The following NARS2 variants were observed in gnomAD, a reference collection of about 807,000 sequenced individuals.
NARS2 encodes the protein asparaginyl-tRNA synthetase 2, mitochondrial, also known as asparaginyl-tRNA synthetase.
NARS2 carries 60 observed loss-of-function variants against 62.9 expected under a neutral mutation model. The ratio of observed to expected loss-of-function variants is 0.95; its 90% CI spans 0.77 to 1.18. The LOEUF (loss-of-function observed/expected upper bound fraction) is 1.18. Among genes scored for constraint, NARS2 ranks in the 50% most tolerant of loss-of-function variants. NARS2 has a pLI of 0.00. For synonymous variants in NARS2, 196 were observed against 200.0 expected (o/e 0.98, Z 0.17); for missense variants, 619 against 576.4 (o/e 1.07, Z -0.76).
At chr11:78,548,721 C>T (rs1436181474) in intron 5 of NARS2, among the ~76,000 whole-genome samples, 1 of 152,044 alleles carries the variant, frequency 6.6e-6, no homozygotes, top group African/African-American at 2.4e-5. Context: ...TGTTTTTCCT[C>T]CTCCCTTCTG....
chr11:78,460,078 C>T (rs776426633), intron 11 of NARS2, among the ~76,000 whole-genome samples: 2 of 152,092 alleles, frequency 1.3e-5, no homozygotes, highest in Non-Finnish European at 2.9e-5. Context: ...AAGAACTGCA[C>T]GTCTGAAGAC....
intron 5 of NARS2, among the ~76,000 whole-genome samples, chr11:78,548,842 T>C (rs577000688): frequency 6.6e-6 from 1 of 152,304 alleles, no homozygotes; most frequent in East Asian, 1.9e-4. Flanking sequence ...AGAAATCGTC[T>C]TAAGGGTATA....
chr11:78,501,443 T>C (rs756162851), intron 6 of NARS2, among the ~76,000 whole-genome samples: 5 of 152,216 alleles, frequency 3.3e-5, no homozygotes, highest in Admixed American at 6.5e-5. Flanking sequence ...GCCCCAGAGA[T>C]ATCCAGACCA....
chr11:78,548,371 T>C (rs939907480), intron 5 of NARS2, among the ~76,000 whole-genome samples: 2 of 150,478 alleles, frequency 1.3e-5, no homozygotes, highest in Non-Finnish European at 2.9e-5. Context: ...TAAAAGAAAA[T>C]AGGTAAGAGT....
intron 11 of NARS2, among the ~76,000 whole-genome samples, chr11:78,458,895 T>G (rs1208130927): frequency 6.6e-6 from 1 of 151,968 alleles, no homozygotes; most frequent in Non-Finnish European, 1.5e-5. Flanking sequence ...TCTAAGGAGA[T>G]CTGATGGTGG....
intron 10 of NARS2, 63 bp downstream of exon 10, chr11:78,469,184 T>TA (rs1858760157): frequency 9.1e-6 from 10 of 1,099,902 alleles, no homozygotes; most frequent in Non-Finnish European, 1.4e-5. Flanking sequence ...CTTAACACAG[T>TA]AAGCTAAAGA....
chr11:78,499,058 A>C (rs2135348915), intron 6 of NARS2, among the ~76,000 whole-genome samples: 1 of 151,606 alleles, frequency 6.6e-6, no homozygotes, highest in South Asian at 2.1e-4. Flanking sequence ...CTGGGACTAC[A>C]GGCGCCCGCC....
chr11:78,499,117 G>A (rs1057379245), intron 6 of NARS2, among the ~76,000 whole-genome samples: 10 of 151,306 alleles, frequency 6.6e-5, no homozygotes, highest in African/African-American at 1.9e-4. Context: ...GGGGTTTCAC[G>A]GTGTTAGCCA....
chr11:78,451,909 G>C (rs1296343622), intron 11 of NARS2, among the ~76,000 whole-genome samples: 1 of 151,776 alleles, frequency 6.6e-6, no homozygotes, highest in Non-Finnish European at 1.5e-5. Context: ...TGCCCATTTG[G>C]CTGTTGCATG....
chr11:78,569,446 C>T (rs914738115), intron 2 of NARS2, among the ~76,000 whole-genome samples: 4 of 152,178 alleles, frequency 2.6e-5, no homozygotes, highest in East Asian at 1.9e-4. Context: ...TGAGCCACCA[C>T]GCCCAGCCCA....
At chr11:78,521,145 G>C (rs1183712137) in intron 6 of NARS2, among the ~76,000 whole-genome samples, 3 of 148,802 alleles carry the variant, frequency 2.0e-5, no homozygotes, top group Non-Finnish European at 4.5e-5. Flanking sequence ...ATATCAATTT[G>C]TTTTCTTATT....
intron 6 of NARS2, among the ~76,000 whole-genome samples, chr11:78,520,229 T>G (rs1271827961): frequency 6.6e-6 from 1 of 152,174 alleles, no homozygotes; most frequent in Non-Finnish European, 1.5e-5. Flanking sequence ...AAGGTTGTGC[T>G]TCCTCTGAAG....
intron 7 of NARS2, 27 bp downstream of exon 7, chr11:78,493,033 TACC>T (rs778855452): frequency 1.3e-4 from 10 of 74,892 alleles, no homozygotes; most frequent in Non-Finnish European, 2.4e-4. Flanking sequence ...ATGTCACAGA[TACC>T]TGGTATTTTA....
intron 4 of NARS2, among the ~76,000 whole-genome samples, chr11:78,561,537 T>G (rs1856555078): frequency 6.6e-6 from 1 of 152,206 alleles, no homozygotes; most frequent in African/African-American, 2.4e-5. Flanking sequence ...TAATACACAT[T>G]CTAAAACCAG....
chr11:78,540,164 C>A (rs1855556300), intron 5 of NARS2, among the ~76,000 whole-genome samples: 1 of 152,056 alleles, frequency 6.6e-6, no homozygotes, highest in African/African-American at 2.4e-5. Flanking sequence ...AATAGCACAG[C>A]CAAGAAAGGG....
intron 9 of NARS2, 99 bp downstream of exon 9, chr11:78,478,339 T>C (rs1452317587): frequency 2.3e-6 from 1 of 427,456 alleles, no homozygotes; most frequent in Non-Finnish European, 3.9e-6. Flanking sequence ...CCTATATATA[T>C]AGGATCTATA....
chr11:78,461,738 G>C (rs1858406509), intron 11 of NARS2, among the ~76,000 whole-genome samples: 1 of 148,240 alleles, frequency 6.7e-6, no homozygotes, highest in Non-Finnish European at 1.5e-5. Context: ...CCTGAGCTCA[G>C]TTTGAGACCA....
chr11:78,507,159 AC>A (rs1278641100), intron 6 of NARS2, among the ~76,000 whole-genome samples: 1 of 84,742 alleles, frequency 1.2e-5, no homozygotes, highest in African/African-American at 4.6e-5. Flanking sequence ...GCCCCTCCCC[AC>A]CCCCCACCCT....
Position 78,574,562 on chromosome 11 carries a change from T to A in NARS2, c.-74A>T, listed in dbSNP as rs1263843520. 1 of 1,470,754 alleles carries A rather than the reference T, an allele frequency of 6.8e-7. No homozygotes were observed. Among genetic ancestry groups the A allele is most frequent in the African/African-American group, 1.4e-5 (1 of 70,962 alleles). 91.1% of individuals were successfully genotyped at this position (1,470,754 alleles called of 1,614,324 possible). ...CGAACCCCGCCTGCAGCGGCCCTCC[T>A]TTCTCAGCTGCTCCCCTTCCGCGGC... On this transcript the variant is annotated 5_prime_UTR_variant, in exon 1 of 14. The change creates a new upstream start codon in the 5' untranslated region. Coordinates refer to ENST00000281038, the MANE Select transcript of NARS2 (RefSeq NM_024678.6).
Sources: gnomAD v4.1 joint callset for allele counts (sites outside exome capture counted in the v4.1 genomes callset) on GRCh38, gnomAD v4.1.1 for gene constraint, MANE v1.5 for transcripts, NCBI Gene and HGNC (gene_info 2026-07-23, HGNC 2026-07-21) for gene names.